Variants in RGS9 observed in about 807,000 individuals in gnomAD.
RGS9 encodes the protein regulator of G-protein signalling 9.
A neutral mutation model predicts 102.0 loss-of-function variants in RGS9; 78 were observed. That is an observed-to-expected ratio of 0.76 (90% CI 0.64 to 0.92). The LOEUF (loss-of-function observed/expected upper bound fraction) is 0.92. RGS9 is among the 40% of genes least tolerant of loss of function. RGS9 has a pLI of 0.00. For synonymous variants in RGS9, 353 were observed against 318.6 expected, an observed-to-expected ratio of 1.11 and a Z score of -1.15; for missense variants, 833 against 866.1, an observed-to-expected ratio of 0.96 and a Z score of 0.48.
intron 1 of RGS9, among the ~76,000 whole-genome samples, chr17:65,150,648 G>A (rs1910542717): frequency 6.6e-6 from 1 of 152,004 alleles, no homozygotes; most frequent in South Asian, 2.1e-4. Flanking sequence ...AATAAACCTA[G>A]GAGGAGTCCT....
intron 17 of RGS9, among the ~76,000 whole-genome samples, chr17:65,218,444 A>G (rs1026212056): frequency 2.0e-5 from 3 of 152,236 alleles, no homozygotes; most frequent in Non-Finnish European, 4.4e-5. Flanking sequence ...TTGAAGCTAG[A>G]TGGTATGAGA....
In RGS9 at chr17:65,153,430, G is replaced by T; in HGVS notation, c.66G>T (p.Ala22=). 1 of 1,613,868 alleles carries T rather than the reference G, an allele frequency of 6.2e-7. No individual in the cohort carries two copies. The highest frequency in any genetic ancestry group is 8.5e-7 in the Non-Finnish European group (1 of 1,179,760). ...CCTGTTCTGTCTTGCAGATTGAAGC[G>T]CTCGTGAAGGACATGCAGAACCCAG... The part of the protein sequence containing the change: ...PRMAFLQKIE[A]LVKDMQNPET... Residue 22 remains alanine, a synonymous_variant, in exon 2 of 19, where the codon GCG becomes GCT. Coordinates refer to ENST00000262406, the MANE Select transcript of RGS9 (RefSeq NM_003835.4).
intron 2 of RGS9, among the ~76,000 whole-genome samples, chr17:65,154,111 G>A (rs1384188252): frequency 2.6e-5 from 4 of 151,876 alleles, no homozygotes; most frequent in Admixed American, 2.0e-4. Context: ...GTTCGAGACC[G>A]GCCTGACCAA....
intron 9 of RGS9, among the ~76,000 whole-genome samples, chr17:65,187,960 A>G (rs758762858): frequency 1.1e-4 from 16 of 152,150 alleles, no homozygotes; most frequent in Admixed American, 2.6e-4. Context: ...CACACCATGC[A>G]CTGCAGCCTG....
chr17:65,213,543 T>C (rs144248765), intron 17 of RGS9, among the ~76,000 whole-genome samples: 2 of 147,282 alleles, frequency 1.4e-5, no homozygotes, highest in African/African-American at 5.1e-5. Flanking sequence ...TGGTGGTGAG[T>C]GTGGTGGTGA....
At chr17:65,169,243 T>A (rs1911315198) in intron 8 of RGS9, among the ~76,000 whole-genome samples, 1 of 152,208 alleles carries the variant, frequency 6.6e-6, no homozygotes, top group Non-Finnish European at 1.5e-5. Context: ...GGTGTTCCAC[T>A]CTGTAGCGGC....
chr17:65,193,091 T>A (rs1475846544), intron 11 of RGS9, among the ~76,000 whole-genome samples: 1 of 145,496 alleles, frequency 6.9e-6, no homozygotes, highest in East Asian at 2.0e-4. Flanking sequence ...CAAAACCCTA[T>A]CTCTACCAAA....
chr17:65,217,650 G>T (rs919037427), intron 17 of RGS9, among the ~76,000 whole-genome samples: 3 of 152,182 alleles, frequency 2.0e-5, no homozygotes, highest in Admixed American at 6.5e-5. Context: ...GATAATGGAG[G>T]GTTGAGAGGA....
At chr17:65,204,125 G>A (rs1320999250) in intron 14 of RGS9, 38 bp from the exon 15 acceptor site, 2 of 1,611,622 alleles carry the variant, frequency 1.2e-6, no homozygotes, top group Admixed American at 3.3e-5. Flanking sequence ...AATTGACTTG[G>A]TTTAGTTACT....
chr17:65,165,373 A>G (rs4129027), intron 7 of RGS9, among the ~76,000 whole-genome samples: 2,424 of 152,200 alleles, frequency 0.016, 73 homozygotes, highest in African/African-American at 0.055. Context: ...TCCATTTGAG[A>G]TGGCTTTTTC....
rs1259633830 is a variant in RGS9, at chr17:65,225,317, A to G, written c.1723A>G (p.Lys575Glu). The G allele has an allele frequency of 1.8e-5, 29 of 1,610,192 alleles. No homozygotes were observed. Among genetic ancestry groups the G allele is most frequent in the Non-Finnish European group, 2.5e-5 (29 of 1,179,958 alleles). ...TCGCAGCCGGCCCAGGGCCCCTCCT[A>G]AGGCCCGCATGGCTCTGTCCTTCAG... ...WPRSRPRAPP[K>E]ARMALSFSRF... Residue 575 changes from lysine (K) to glutamate (E), a missense_variant, in exon 18 of 19, where the codon AAG becomes GAG. By Grantham distance (56) the Lys-to-Glu change is moderately conservative. Coordinates refer to ENST00000262406, the MANE Select transcript of RGS9 (RefSeq NM_003835.4).
chr17:65,185,670 G>C (rs1912083132), intron 9 of RGS9, among the ~76,000 whole-genome samples: 1 of 152,168 alleles, frequency 6.6e-6, no homozygotes, highest in African/African-American at 2.4e-5. Context: ...ATTCCCAGAA[G>C]GTAACTGGTA....
chr17:65,189,977 G>A (rs78243808), intron 10 of RGS9, among the ~76,000 whole-genome samples, 198 bp from the exon 11 acceptor site: 6,295 of 151,970 alleles, frequency 0.041, 451 homozygotes, highest in African/African-American at 0.14. Flanking sequence ...ATACATAATG[G>A]CTGAAGGAGG....
chr17:65,210,354 G>C (rs1430315412), intron 16 of RGS9, 134 bp from the exon 17 acceptor site: 3 of 1,112,108 alleles, frequency 2.7e-6, no homozygotes, highest in Non-Finnish European at 4.1e-6. Flanking sequence ...CCCCACTGGA[G>C]GTTCACTGGA....
At chr17:65,154,828 C>T (rs114506836) in intron 2 of RGS9, among the ~76,000 whole-genome samples, 2,857 of 152,340 alleles carry the variant, frequency 0.019, 109 homozygotes, top group African/African-American at 0.066. Context: ...ATAGCCCAAG[C>T]CCGGGCCTCA....
At chr17:65,223,753 T>G (rs1370227517) in intron 17 of RGS9, among the ~76,000 whole-genome samples, 1 of 103,848 alleles carries the variant, frequency 9.6e-6, no homozygotes. Context: ...CATGCCAGGC[T>G]TTTTTTTTTT....
chr17:65,206,249 T>A (rs1465631065), intron 15 of RGS9, among the ~76,000 whole-genome samples: 2 of 152,244 alleles, frequency 1.3e-5, no homozygotes, highest in Non-Finnish European at 2.9e-5. Flanking sequence ...ATTTTCATCA[T>A]TTTTTGAATC....
chr17:65,183,060 A>T (rs1044168700), intron 9 of RGS9, among the ~76,000 whole-genome samples: 13 of 83,076 alleles, frequency 1.6e-4, no homozygotes, highest in African/African-American at 1.5e-3. Context: ...TAATTTTTTT[A>T]AATCTATCTA....
At chr17:65,203,430 A>G (rs1912931569) in intron 14 of RGS9, among the ~76,000 whole-genome samples, 1 of 152,212 alleles carries the variant, frequency 6.6e-6, no homozygotes, top group Admixed American at 6.5e-5. Context: ...TGCCTCTGCC[A>G]TTAGACCAGT....
Sources: gnomAD v4.1 joint callset for allele counts (sites outside exome capture counted in the v4.1 genomes callset) on GRCh38, gnomAD v4.1.1 for gene constraint, MANE v1.5 for transcripts, NCBI Gene and HGNC (gene_info 2026-07-23, HGNC 2026-07-21) for gene names.